The following WSCD2 variants were observed in gnomAD, a reference collection of about 807,000 sequenced individuals.
WSCD2 encodes the protein WSC domain sialate O sulfotransferase 2.
In WSCD2, 28 loss-of-function variants were observed where a neutral mutation model predicts 55.7. That is an observed-to-expected ratio of 0.50 (90% confidence interval 0.37 to 0.69). The LOEUF (loss-of-function observed/expected upper bound fraction) is 0.69. Ranked by LOEUF, WSCD2 falls within the 30% of genes least tolerant of loss-of-function variation. The pLI is 0.00. For synonymous variants in WSCD2, 301 were observed against 301.9 expected (o/e 1.00, Z 0.03); for missense variants, 616 against 762.1 (o/e 0.81, Z 2.26).
intron 1 of WSCD2, among the ~76,000 whole-genome samples, chr12:108,151,440 C>G (rs1877991177): frequency 6.6e-6 from 1 of 152,188 alleles, no homozygotes; most frequent in South Asian, 2.1e-4. Context: ...TGGGAACTGG[C>G]AAATGACCTC....
chr12:108,153,563 C>A (rs985660429), intron 1 of WSCD2, among the ~76,000 whole-genome samples: 2 of 152,174 alleles, frequency 1.3e-5, no homozygotes, highest in East Asian at 3.9e-4. Context: ...TGCAGCACCC[C>A]AGAGTTAGCA....
chr12:108,221,531 C>T (rs1265615210), intron 4 of WSCD2, among the ~76,000 whole-genome samples: 1 of 152,186 alleles, frequency 6.6e-6, no homozygotes, highest in East Asian at 1.9e-4. Context: ...ACTCCATCCT[C>T]TGGGTGACCT....
intron 1 of WSCD2, among the ~76,000 whole-genome samples, chr12:108,182,906 C>T (rs1881979526): frequency 6.6e-6 from 1 of 151,980 alleles, no homozygotes; most frequent in Admixed American, 6.5e-5. Context: ...GTTGGGGATC[C>T]TAGCGTGGAA....
chr12:108,153,411 C>T (rs893845553), intron 1 of WSCD2, among the ~76,000 whole-genome samples: 2 of 152,218 alleles, frequency 1.3e-5, no homozygotes, highest in Admixed American at 6.5e-5. Context: ...ACTGTCTCTA[C>T]CCCTCATTGG....
intron 1 of WSCD2, among the ~76,000 whole-genome samples, chr12:108,168,877 A>G (rs1018443741): frequency 2.6e-5 from 4 of 152,176 alleles, no homozygotes; most frequent in African/African-American, 9.7e-5. Context: ...TGTTAAATCA[A>G]TGTCCTAGTT....
chr12:108,187,723 AC>A (rs1473912336), intron 1 of WSCD2, among the ~76,000 whole-genome samples: 3 of 152,148 alleles, frequency 2.0e-5, no homozygotes, highest in African/African-American at 7.2e-5. Flanking sequence ...AGCTCATTTA[AC>A]CCTCCTACCT....
chr12:108,156,702 G>A (rs1308149711), intron 1 of WSCD2, among the ~76,000 whole-genome samples: 1 of 152,206 alleles, frequency 6.6e-6, no homozygotes, highest in Non-Finnish European at 1.5e-5. Context: ...CTTTTTAAAT[G>A]AAGTCAAATT....
intron 8 of WSCD2, among the ~76,000 whole-genome samples, chr12:108,243,788 C>T (rs1390655801): frequency 2.6e-5 from 4 of 152,116 alleles, no homozygotes; most frequent in South Asian, 2.1e-4. Flanking sequence ...TGGATGCCCT[C>T]GGTGACAGAA....
At position 108,210,009 on chromosome 12, in the gene WSCD2, T is replaced by C; in HGVS notation, c.498-112T>C. 2 of 1,431,952 alleles carry C rather than the reference T, an allele frequency of 1.4e-6. No homozygotes were observed. Among genetic ancestry groups the C allele is most frequent in the South Asian group, 2.6e-5 (2 of 76,106 alleles). 88.7% of individuals were successfully genotyped at this position (1,431,952 alleles called of 1,614,324 possible). ...CCATCAGCAGTCTCCCCATTTCCCCTGGGATCTCCTGGTCCCCAGAGCCCT... is the reference window on the plus strand; with the variant it reads ...CCATCAGCAGTCTCCCCATTTCCCCCGGGATCTCCTGGTCCCCAGAGCCCT... On this transcript the variant is annotated intron_variant, in intron 3 of 8. Transcript: ENST00000547525. The surrounding 1 kb of genome is among the most constrained non-coding windows in gnomAD (Gnocchi z 4.3).
chr12:108,154,385 T>C (rs993886379), intron 1 of WSCD2, among the ~76,000 whole-genome samples: 3 of 152,134 alleles, frequency 2.0e-5, no homozygotes, highest in Non-Finnish European at 4.4e-5. Context: ...AAACCAGCAA[T>C]TGTATGCCTC....
chr12:108,170,751 T>C (rs1395281998), intron 1 of WSCD2, among the ~76,000 whole-genome samples: 1 of 152,228 alleles, frequency 6.6e-6, no homozygotes, highest in East Asian at 1.9e-4. Flanking sequence ...GATCCTCCTG[T>C]CAACTCTGTG....
chr12:108,135,665 C>T (rs1252705790), intron 1 of WSCD2, among the ~76,000 whole-genome samples: 2 of 152,208 alleles, frequency 1.3e-5, no homozygotes, highest in Admixed American at 1.3e-4. Context: ...CTTTAGGATA[C>T]TGGACTTTCA....
chr12:108,142,396 C>A (rs1383764630), intron 1 of WSCD2, among the ~76,000 whole-genome samples: 1 of 152,168 alleles, frequency 6.6e-6, no homozygotes, highest in Non-Finnish European at 1.5e-5. Context: ...AATCTCCAAC[C>A]CTCAGCTCCT....
chr12:108,248,820 G>A lies in WSCD2; in HGVS notation c.*477G>A. On this transcript the variant is annotated 3_prime_UTR_variant, in exon 9 of 9. Coordinates refer to ENST00000547525, the MANE Select transcript of WSCD2 (RefSeq NM_014653.4). The surrounding 1 kb of genome is among the most constrained non-coding windows in gnomAD (Gnocchi z 4.3). ...CCCTTCTCATCTCCACCCAAGAAGT[G>A]CTGGCACCGATGTTTAACTCAGGCC... 16 of 990,526 alleles carry A rather than the reference G, an allele frequency of 1.6e-5. No homozygotes were observed. Among genetic ancestry groups the A allele is most frequent in the Admixed American group, 5.7e-5 (1 of 17,518 alleles). The allele number at this position is 990,526 out of a possible 1,614,324, so 61.4% of individuals were successfully genotyped here.
chr12:108,208,646 C>T (rs538147251), intron 3 of WSCD2, among the ~76,000 whole-genome samples: 1 of 152,198 alleles, frequency 6.6e-6, no homozygotes, highest in South Asian at 2.1e-4. Context: ...ACAGAGGGTA[C>T]AAAGGGAGTA....
At chr12:108,227,477 C>T (rs1208504823) in intron 6 of WSCD2, among the ~76,000 whole-genome samples, 2 of 152,212 alleles carry the variant, frequency 1.3e-5, no homozygotes, top group Middle Eastern at 3.2e-3. Context: ...ACTGTGTTAT[C>T]CCGGACAAGT....
intron 2 of WSCD2, among the ~76,000 whole-genome samples, chr12:108,202,138 C>T (rs1375206522): frequency 2.7e-5 from 4 of 148,194 alleles, no homozygotes; most frequent in South Asian, 2.1e-4. Context: ...GCAGTAACCA[C>T]GCTAATGAGC....
intron 1 of WSCD2, among the ~76,000 whole-genome samples, chr12:108,157,103 C>T (rs907834496): frequency 2.0e-5 from 3 of 152,118 alleles, no homozygotes; most frequent in African/African-American, 7.2e-5. Flanking sequence ...AATGAGGGCC[C>T]CAGATATTTC....
intron 1 of WSCD2, among the ~76,000 whole-genome samples, chr12:108,194,748 T>C (rs1232532792): frequency 5.9e-5 from 9 of 152,166 alleles, no homozygotes. Flanking sequence ...ATGTGAGCTC[T>C]ATGAAAGAGG....
Sources: allele counts gnomAD v4.1 joint callset (sites outside exome capture counted in the v4.1 genomes callset), GRCh38; gene constraint gnomAD v4.1.1; non-coding constraint Gnocchi (gnomAD v3.1); transcripts MANE v1.5; gene names NCBI Gene and HGNC (gene_info 2026-07-23, HGNC 2026-07-21).